Variants in TBCEL observed in about 807,000 individuals in gnomAD.
The protein encoded by TBCEL is tubulin-specific chaperone cofactor E-like protein.
A neutral mutation model predicts 44.2 loss-of-function variants in TBCEL; 15 were observed. The ratio of observed to expected loss-of-function variants is 0.34; its 90% CI spans 0.23 to 0.52. The LOEUF (loss-of-function observed/expected upper bound fraction) is 0.52, where lower values mean the gene tolerates loss of function less well. Among genes scored for constraint, TBCEL ranks in the 20% least tolerant of loss-of-function variants. The pLI is 0.95. For missense variants in TBCEL, 319 were observed against 506.3 expected (o/e 0.63, Z 3.55); for synonymous variants, 171 against 185.4 (o/e 0.92, Z 0.63).
At position 121,072,186 on chromosome 11, in the gene TBCEL, G is replaced by A. The variant is rs76354313; in HGVS notation, c.956+12101G>A. On this transcript the variant is annotated intron_variant, in intron 8 of 8. Transcript: ENST00000683345. ...GAAGGCAAACTACCTTCCTAATCTTGATTGGAGTCATATACAAGTATTTGG... is the reference window on the plus strand; with the variant it reads ...GAAGGCAAACTACCTTCCTAATCTTAATTGGAGTCATATACAAGTATTTGG... 5.2e-3 allele frequency among the ~76,000 whole-genome samples: 788 copies of A among 152,248 alleles called. 6 individuals carry two copies. Among genetic ancestry groups the A allele is most frequent in the African/African-American group, 0.017 (724 of 41,536 alleles).
In TBCEL at chr11:121,060,060, G is replaced by A. The variant is rs761087746; in HGVS notation, c.931G>A (p.Val311Ile). The change falls in exon 8 of 9, where the codon GTT (valine) becomes ATT (isoleucine). Residue 311 changes from valine to isoleucine, a missense_variant. Val to Ile is a conservative substitution (Grantham distance 29, BLOSUM62 3). Transcript: ENST00000683345. Reference protein sequence around the residue: ...ERFFIRYYVDVPQEEVPFRYH... With the variant: ...ERFFIRYYVDIPQEEVPFRYH... Reference sequence around the variant, plus strand: ...ATTTTTTATTCGTTACTATGTGGATGTTCCACAGGAAGAAGTGCCATTCAG... The same window carrying A: ...ATTTTTTATTCGTTACTATGTGGATATTCCACAGGAAGAAGTGCCATTCAG... 6 of 1,610,584 alleles carry A rather than the reference G, an allele frequency of 3.7e-6. No homozygotes were observed. Among genetic ancestry groups the A allele is most frequent in the Non-Finnish European group, 4.2e-6 (5 of 1,177,578 alleles).
chr11:121,086,007 C>T (rs1209810718), intron 8 of TBCEL, among the ~76,000 whole-genome samples: 1 of 151,930 alleles, frequency 6.6e-6, no homozygotes, highest in East Asian at 1.9e-4. Flanking sequence ...TTTTCCCTTT[C>T]TGGTACGTAG....
intron 2 of TBCEL, among the ~76,000 whole-genome samples, chr11:121,037,908 T>TTTG (rs1555113878): frequency 6.6e-6 from 1 of 152,134 alleles, no homozygotes; most frequent in Non-Finnish European, 1.5e-5. Flanking sequence ...GGTTACTGGT[T>TTTG]TTGTTGTTGT....
At position 121,059,953 on chromosome 11, in the gene TBCEL, T is replaced by TG. The variant is rs768473506; in HGVS notation, c.840-14dup. On this transcript the variant is annotated splice_polypyrimidine_tract_variant and intron_variant, in intron 7 of 8. Coordinates refer to ENST00000683345, the MANE Select transcript of TBCEL (RefSeq NM_001363644.2). ...AGTATCTTAAAAAATGTCTTTATTTTGGTTTTAACTTATAGATTGCCATCA... is the reference window on the plus strand; with the variant it reads ...AGTATCTTAAAAAATGTCTTTATTTTGGGTTTTAACTTATAGATTGCCATCA... The TG allele has an allele frequency of 9.0e-6, 14 of 1,560,356 alleles. No individual in the cohort carries two copies. The Admixed American group carries it at 2.4e-4, about 27-fold the overall frequency.
chr11:121,064,472 C>T (rs1191345053), intron 8 of TBCEL, among the ~76,000 whole-genome samples: 1 of 152,142 alleles, frequency 6.6e-6, no homozygotes, highest in East Asian at 1.9e-4. Flanking sequence ...GATTCCAGGA[C>T]CAATTAGCTA....
intron 8 of TBCEL, among the ~76,000 whole-genome samples, chr11:121,077,906 T>A (rs1218876730): frequency 6.6e-6 from 1 of 152,156 alleles, no homozygotes; most frequent in Non-Finnish European, 1.5e-5. Flanking sequence ...GATATTTTCC[T>A]TATCTTTCCA....
rs75926996 is a variant in TBCEL at position 121,078,372 on chromosome 11, G to A, written c.957-8406G>A. On this transcript the variant is annotated intron_variant, in intron 8 of 8. Coordinates refer to ENST00000683345, the MANE Select transcript of TBCEL (RefSeq NM_001363644.2). ...GGAGCTCGTCTCTCCCTGTCTAATGGTTTTGCATTTGCCTCTAAGCAGCTC... is the reference window on the plus strand; with the variant it reads ...GGAGCTCGTCTCTCCCTGTCTAATGATTTTGCATTTGCCTCTAAGCAGCTC... Among the ~76,000 whole-genome samples, 422 of 152,126 alleles carry A rather than the reference G, an allele frequency of 2.8e-3. 4 individuals are homozygous for A. Among genetic ancestry groups the A allele is most frequent in the African/African-American group, 9.4e-3 (390 of 41,472 alleles).
chr11:121,075,877 T>G (rs1411901187), intron 8 of TBCEL, among the ~76,000 whole-genome samples: 1 of 151,970 alleles, frequency 6.6e-6, no homozygotes, highest in Non-Finnish European at 1.5e-5. Context: ...CTGTGTGGGG[T>G]AGGATACGGA....
intron 8 of TBCEL, among the ~76,000 whole-genome samples, chr11:121,071,462 A>C (rs1413480202): frequency 6.6e-6 from 1 of 152,170 alleles, no homozygotes; most frequent in East Asian, 1.9e-4. Context: ...AGCTCCAGTG[A>C]ACAATTATTT....
chr11:121,055,435 C>A, intron 6 of TBCEL, 127 bp downstream of exon 6: 1 of 963,136 alleles, frequency 1.0e-6, no homozygotes, highest in Non-Finnish European at 1.4e-6. Flanking sequence ...ATATGACATG[C>A]AGATGCCTAT....
chr11:121,087,260 AT>A lies in TBCEL; in HGVS notation c.*169del. 1.4e-6 allele frequency: 1 copy of A among 692,348 alleles called. No individual in the cohort carries two copies. Among genetic ancestry groups the A allele is most frequent in the South Asian group, 2.0e-5 (1 of 49,016 alleles). 42.9% of individuals were successfully genotyped at this position (692,348 alleles called of 1,614,324 possible). A position where few individuals can be genotyped will look rare whatever the true frequency, so the allele number is the denominator to read the frequency against. Reference sequence around the variant, plus strand: ...TTTCCCCCTGGAGTGAGTAGGGGCCATTTTTGGGTGTTTTCTACCACAGATT... The same window carrying A: ...TTTCCCCCTGGAGTGAGTAGGGGCCATTTTGGGTGTTTTCTACCACAGATT... On this transcript the variant is annotated 3_prime_UTR_variant, in exon 9 of 9. Coordinates refer to ENST00000683345, the MANE Select transcript of TBCEL (RefSeq NM_001363644.2).
At chr11:121,079,122 A>G (rs1946081004) in intron 8 of TBCEL, among the ~76,000 whole-genome samples, 1 of 152,232 alleles carries the variant, frequency 6.6e-6, no homozygotes, top group Non-Finnish European at 1.5e-5. Flanking sequence ...ATTCACTTCA[A>G]GATACTTTGC....
rs149207127 is a variant in TBCEL, at chr11:121,052,097, A to G, written c.274-1454A>G. ...TGGAACCTTGGAATCAGCATATTTT[A>G]AATTCTGTCAGTGATTCCGATGGGT... On this transcript the variant is annotated intron_variant, in intron 4 of 8. Coordinates refer to ENST00000683345, the MANE Select transcript of TBCEL (RefSeq NM_001363644.2). Among the ~76,000 whole-genome samples, 883 of 151,962 alleles carry G rather than the reference A, an allele frequency of 5.8e-3. 7 individuals carry two copies. The highest frequency in any genetic ancestry group is 0.027 in the Middle Eastern group (8 of 294).
chr11:121,084,794 T>C (rs1332019982), intron 8 of TBCEL, among the ~76,000 whole-genome samples: 1 of 152,110 alleles, frequency 6.6e-6, no homozygotes, highest in Non-Finnish European at 1.5e-5. Context: ...TTTCATAACC[T>C]AGTTTCAGTT....
At chr11:121,064,945 C>T (rs763632499) in intron 8 of TBCEL, among the ~76,000 whole-genome samples, 35 of 152,204 alleles carry the variant, frequency 2.3e-4, no homozygotes, top group Admixed American at 9.8e-4. Flanking sequence ...TCCTGCTCAG[C>T]CTCCCGAGTA....
At chr11:121,080,453 C>T (rs1048744052) in intron 8 of TBCEL, among the ~76,000 whole-genome samples, 1 of 152,016 alleles carries the variant, frequency 6.6e-6, no homozygotes, top group African/African-American at 2.4e-5. Flanking sequence ...ATGTAAATCC[C>T]CTTATTTTTC....
At chr11:121,082,840 G>GA (rs909890014) in intron 8 of TBCEL, among the ~76,000 whole-genome samples, 42 of 152,336 alleles carry the variant, frequency 2.8e-4, no homozygotes, top group African/African-American at 9.4e-4. Context: ...CAGGGAAAGG[G>GA]AAAATCAGCA....
chr11:121,082,471 G>C (rs1368849008), intron 8 of TBCEL, among the ~76,000 whole-genome samples: 1 of 152,202 alleles, frequency 6.6e-6, no homozygotes, highest in Non-Finnish European at 1.5e-5. Context: ...CATATGATTA[G>C]ATTAGGCCTA....
chr11:121,074,097 C>T (rs1289802229), intron 8 of TBCEL, among the ~76,000 whole-genome samples: 2 of 151,856 alleles, frequency 1.3e-5, no homozygotes, highest in African/African-American at 4.8e-5. Flanking sequence ...TACTAAGTAA[C>T]TGTTTCATTC....
Sources: allele counts gnomAD v4.1 joint callset (sites outside exome capture counted in the v4.1 genomes callset), GRCh38; gene constraint gnomAD v4.1.1; transcripts MANE v1.5; gene names NCBI Gene and HGNC (gene_info 2026-07-23, HGNC 2026-07-21).